The following ABL2 variants were observed in gnomAD, a reference collection of about 807,000 sequenced individuals.
ABL2 encodes the protein ABL proto-oncogene 2, non-receptor tyrosine kinase, also known as tyrosine-protein kinase ABL2.
Under a neutral mutation model 107.7 loss-of-function variants are expected in ABL2, and 49 were observed. The observed-to-expected ratio is 0.45, with a 90% CI of 0.36 to 0.58. The LOEUF (loss-of-function observed/expected upper bound fraction) is 0.58. ABL2 is among the 20% of genes least tolerant of loss of function. The probability of loss-of-function intolerance (pLI) is 0.00; values close to 1 mark genes in which losing one functional copy is unlikely to be tolerated. For synonymous variants in ABL2, 549 were observed against 548.6 expected (o/e 1.00, Z -0.01); for missense variants, 1,245 against 1,457.0 (o/e 0.85, Z 2.37).
At chr1:179,112,461 CTAA>C in intron 9 of ABL2, 63 bp from the exon 10 acceptor site, 2 of 1,331,662 alleles carry the variant, frequency 1.5e-6, no homozygotes, top group Admixed American at 1.8e-5. Flanking sequence ...AGTGGTGTAT[CTAA>C]TAATGAGTTC....
At chr1:179,186,806 G>T (rs2636279) in intron 1 of ABL2, among the ~76,000 whole-genome samples, 1 of 151,908 alleles carries the variant, frequency 6.6e-6, no homozygotes, top group East Asian at 1.9e-4. Context: ...GTGCAACCTA[G>T]GCTCATTGCA....
chr1:179,189,506 G>C (rs1170699727), intron 1 of ABL2, among the ~76,000 whole-genome samples: 1 of 152,138 alleles, frequency 6.6e-6, no homozygotes, highest in East Asian at 1.9e-4. Context: ...TTTCTTAAAT[G>C]TTCCCTACTC....
intron 1 of ABL2, among the ~76,000 whole-genome samples, chr1:179,214,519 C>CATATATATATATAATAT (rs1662453368): frequency 1.6e-5 from 2 of 122,134 alleles, no homozygotes; most frequent in South Asian, 2.9e-4. Flanking sequence ...TTTAAAATGA[C>CATATATATATATAATAT]ATATATATAT....
intron 1 of ABL2, among the ~76,000 whole-genome samples, chr1:179,228,048 T>A (rs1218361688): frequency 2.1e-5 from 1 of 48,486 alleles, no homozygotes; most frequent in East Asian, 6.0e-4. Flanking sequence ...AGACTCCGTC[T>A]CCAAAAAAAA....
At chr1:179,109,687 G>T (rs868850247) in intron 11 of ABL2, among the ~76,000 whole-genome samples, 8 of 152,104 alleles carry the variant, frequency 5.3e-5, no homozygotes, top group Non-Finnish European at 1.0e-4. Flanking sequence ...CCAGCACTTT[G>T]GGGGGCTGAG....
At position 179,105,270 on chromosome 1, in the gene ABL2, G is replaced by C. The variant is rs1013055042; in HGVS notation, c.*2448C>G. 4 of 231,046 alleles carry C rather than the reference G, an allele frequency of 1.7e-5. No individual in the cohort carries two copies. The highest frequency in any genetic ancestry group is 3.4e-5 in the Non-Finnish European group (4 of 116,922). The allele number at this position is 231,046 out of a possible 1,614,324, so 14.3% of individuals were successfully genotyped here. On this transcript the variant is annotated 3_prime_UTR_variant, in exon 12 of 12. Coordinates refer to ENST00000502732, the MANE Select transcript of ABL2 (RefSeq NM_007314.4). Reference sequence around the variant, plus strand: ...AATACACTCAGTAGTGTTTCTCCAAGGCTTAGTTCCAGAACTCTCAAGGGA... The same window carrying C: ...AATACACTCAGTAGTGTTTCTCCAACGCTTAGTTCCAGAACTCTCAAGGGA...
At chr1:179,112,481 T>A in intron 9 of ABL2, 83 bp from the exon 10 acceptor site, 3 of 1,011,778 alleles carry the variant, frequency 3.0e-6, no homozygotes, top group South Asian at 2.9e-5. Context: ...GTTCTATGCA[T>A]CATGATGCAC....
At chr1:179,134,966 G>A (rs1557941383) in intron 1 of ABL2, among the ~76,000 whole-genome samples, 1 of 152,238 alleles carries the variant, frequency 6.6e-6, no homozygotes, top group Non-Finnish European at 1.5e-5. Context: ...TCCTAACCGC[G>A]AGTGATCCGC....
intron 1 of ABL2, among the ~76,000 whole-genome samples, chr1:179,143,735 C>T (rs991876981): frequency 2.0e-5 from 3 of 152,200 alleles, no homozygotes; most frequent in Admixed American, 6.5e-5. Flanking sequence ...CTCGCTCTGT[C>T]GCCCAGGCTG....
intron 1 of ABL2, among the ~76,000 whole-genome samples, chr1:179,169,940 G>A (rs1455521251): frequency 6.6e-6 from 1 of 151,968 alleles, no homozygotes; most frequent in Non-Finnish European, 1.5e-5. Context: ...GAAGTGGCAG[G>A]AGCTTGAGTC....
rs1653171798 is a variant in ABL2, at chr1:179,102,381, A to T, written c.*5337T>A. The T allele has an allele frequency of 4.7e-6, 1 of 212,824 alleles. No individual in the cohort carries two copies. Among genetic ancestry groups the T allele is most frequent in the Non-Finnish European group, 9.5e-6 (1 of 105,202 alleles). 13.2% of individuals were successfully genotyped at this position (212,824 alleles called of 1,614,324 possible). On this transcript the variant is annotated 3_prime_UTR_variant, in exon 12 of 12. Transcript: ENST00000502732. ...AATGATATAGATATCTTGACTGTTA[A>T]GAGTTGGAGACGTTTCAGAAGTTCT...
At chr1:179,160,700 A>T (rs1336073831) in intron 1 of ABL2, among the ~76,000 whole-genome samples, 2 of 152,226 alleles carry the variant, frequency 1.3e-5, no homozygotes, top group African/African-American at 4.8e-5. Flanking sequence ...AACATTATGT[A>T]CCATATATGA....
chr1:179,168,125 A>G (rs1389646821), intron 1 of ABL2, among the ~76,000 whole-genome samples: 4 of 152,240 alleles, frequency 2.6e-5, no homozygotes, highest in African/African-American at 9.6e-5. Flanking sequence ...AATTCCTGCA[A>G]TATTAGGTTC....
intron 1 of ABL2, among the ~76,000 whole-genome samples, chr1:179,220,584 G>C (rs1662816902): frequency 6.6e-6 from 1 of 152,168 alleles, no homozygotes; most frequent in Non-Finnish European, 1.5e-5. Flanking sequence ...AGCAAATCTT[G>C]AGTGTTTTGA....
intron 10 of ABL2, among the ~76,000 whole-genome samples, chr1:179,111,960 G>C (rs1486631563): frequency 6.6e-6 from 1 of 151,990 alleles, no homozygotes; most frequent in Non-Finnish European, 1.5e-5. Flanking sequence ...CACAAGAATT[G>C]CTTGAACTTG....
Position 179,133,419 on chromosome 1 carries a change from T to G in ABL2, c.158-45A>C, listed in dbSNP as rs777649608. Reference sequence around the variant, plus strand: ...ACCACGTCACTTTTCTTAAGCTTCTTCAATAGTTTAACATCAAGCTAAAGT... The same window carrying G: ...ACCACGTCACTTTTCTTAAGCTTCTGCAATAGTTTAACATCAAGCTAAAGT... On this transcript the variant is annotated intron_variant, in intron 1 of 11. Transcript: ENST00000502732. The G allele has an allele frequency of 2.5e-6, 4 of 1,613,856 alleles. No individual in the cohort carries two copies. In the Admixed American group the frequency reaches 6.7e-5, roughly 27 times the overall value.
intron 1 of ABL2, among the ~76,000 whole-genome samples, chr1:179,177,192 G>T (rs28914485): frequency 0.065 from 9,894 of 151,962 alleles, 436 homozygotes; most frequent in Non-Finnish European, 0.089. Flanking sequence ...GAAGAACAGG[G>T]ATTAAAAACA....
intron 1 of ABL2, among the ~76,000 whole-genome samples, chr1:179,204,322 C>T (rs866444742): frequency 3.3e-5 from 5 of 152,010 alleles, no homozygotes; most frequent in South Asian, 2.1e-4. Context: ...CCACCACCTC[C>T]GGCAAAATAT....
At chr1:179,207,319 A>C (rs1270576216) in intron 1 of ABL2, among the ~76,000 whole-genome samples, 1 of 152,132 alleles carries the variant, frequency 6.6e-6, no homozygotes, top group African/African-American at 2.4e-5. Context: ...TCCAATCAGA[A>C]TGTTAGCATT....
Sources: allele counts gnomAD v4.1 joint callset (sites outside exome capture counted in the v4.1 genomes callset), GRCh38; gene constraint gnomAD v4.1.1; transcripts MANE v1.5; gene names NCBI Gene and HGNC (gene_info 2026-07-23, HGNC 2026-07-21).